PDSS2: variants seen among roughly 807,000 people sequenced by gnomAD.
PDSS2 encodes the protein decaprenyl diphosphate synthase subunit 2.
In PDSS2, 31 loss-of-function variants were observed where a neutral mutation model predicts 44.5. That is an observed-to-expected ratio of 0.70 (90% CI 0.52 to 0.94). PDSS2 has a LOEUF of 0.94. PDSS2 is among the 40% of genes least tolerant of loss of function. The probability of loss-of-function intolerance (pLI) is 0.00; values close to 1 mark genes in which losing one functional copy is unlikely to be tolerated. For synonymous variants in PDSS2, 157 were observed against 180.3 expected, an observed-to-expected ratio of 0.87 and a Z score of 1.03; for missense variants, 452 against 482.2, an observed-to-expected ratio of 0.94 and a Z score of 0.59.
intron 7 of PDSS2, among the ~76,000 whole-genome samples, chr6:107,187,708 G>A (rs888215529): frequency 3.3e-5 from 5 of 151,122 alleles, no homozygotes; most frequent in African/African-American, 4.9e-5. Context: ...TTGAGTCTAC[G>A]GTCCTCGATC....
intron 1 of PDSS2, among the ~76,000 whole-genome samples, chr6:107,385,052 T>A (rs906756086): frequency 6.6e-6 from 1 of 152,198 alleles, no homozygotes; most frequent in Admixed American, 6.5e-5. Flanking sequence ...GCTTAAATGT[T>A]CAGAAAGAAG....
chr6:107,429,895 A>T (rs1583073758), intron 1 of PDSS2, among the ~76,000 whole-genome samples: 1 of 41,626 alleles, frequency 2.4e-5, no homozygotes, highest in Admixed American at 2.6e-4. Context: ...AAAAAAAAAA[A>T]AAAAAAATAT....
At chr6:107,413,836 G>A (rs1022267178) in intron 1 of PDSS2, among the ~76,000 whole-genome samples, 54 of 152,270 alleles carry the variant, frequency 3.5e-4, no homozygotes, top group Middle Eastern at 3.4e-3. Context: ...GTAAAGAGTG[G>A]ATTGAAAAGA....
intron 3 of PDSS2, among the ~76,000 whole-genome samples, chr6:107,260,955 C>A (rs1456948204): frequency 6.6e-6 from 1 of 152,174 alleles, no homozygotes; most frequent in Non-Finnish European, 1.5e-5. Flanking sequence ...AGCCATCGCG[C>A]CTGGCCCCCC....
At chr6:107,411,101 G>C (rs1396452285) in intron 1 of PDSS2, among the ~76,000 whole-genome samples, 2 of 151,994 alleles carry the variant, frequency 1.3e-5, no homozygotes, top group Non-Finnish European at 2.9e-5. Flanking sequence ...GGCCAGGCTG[G>C]TCTCAAACTC....
intron 2 of PDSS2, among the ~76,000 whole-genome samples, chr6:107,315,489 A>G (rs1398724638): frequency 6.6e-6 from 1 of 152,222 alleles, no homozygotes; most frequent in African/African-American, 2.4e-5. Flanking sequence ...TTATTAACAG[A>G]CCTCAGTTGT....
chr6:107,391,912 C>T (rs1779797438), intron 1 of PDSS2, among the ~76,000 whole-genome samples: 1 of 148,582 alleles, frequency 6.7e-6, no homozygotes, highest in Non-Finnish European at 1.5e-5. Flanking sequence ...GGGGAAAAAT[C>T]ACCCTACAAC....
chr6:107,271,247 TTTC>T (rs1178976214), intron 3 of PDSS2, among the ~76,000 whole-genome samples: 1 of 150,570 alleles, frequency 6.6e-6, no homozygotes, highest in Non-Finnish European at 1.5e-5. Context: ...CCTTATTAAC[TTTC>T]TTAAGAAAAA....
chr6:107,385,019 A>C (rs1217582604), intron 1 of PDSS2, among the ~76,000 whole-genome samples: 1 of 152,248 alleles, frequency 6.6e-6, no homozygotes, highest in Admixed American at 6.5e-5. Context: ...TGCTCAAATG[A>C]ATCTTCAAAA....
intron 1 of PDSS2, among the ~76,000 whole-genome samples, chr6:107,361,913 G>T (rs2114290630): frequency 6.6e-6 from 1 of 152,298 alleles, no homozygotes. Context: ...CACAGTAGCT[G>T]AATCAGTGCA....
At position 107,404,196 on chromosome 6, in the gene PDSS2, A is replaced by G. The variant is rs141928710; in HGVS notation, c.296+54794T>C. Reference sequence around the variant, plus strand: ...AGAGTCACCTTCGGTCCAGTTCCCAACAAGTTCCTCATCTCCATCTGAGAC... The same window carrying G: ...AGAGTCACCTTCGGTCCAGTTCCCAGCAAGTTCCTCATCTCCATCTGAGAC... On this transcript the variant is annotated intron_variant, in intron 1 of 7. Coordinates refer to ENST00000369037, the MANE Select transcript of PDSS2 (RefSeq NM_020381.4). Among the ~76,000 whole-genome samples the G allele has an allele frequency of 9.0e-3, 1,368 of 152,252 alleles. 49 individuals are homozygous for G. In the East Asian group the frequency reaches 0.12, roughly 13 times the overall value.
chr6:107,192,246 G>T, intron 7 of PDSS2: 1 of 376,456 alleles, frequency 2.7e-6, no homozygotes, highest in Non-Finnish European at 5.0e-6. Context: ...TTGGTTTACA[G>T]GTGCTCCTAT....
At chr6:107,195,716 C>T (rs1036542308) in intron 6 of PDSS2, among the ~76,000 whole-genome samples, 20 of 137,294 alleles carry the variant, frequency 1.5e-4, no homozygotes, top group Non-Finnish European at 2.1e-4. Flanking sequence ...CCCACCACCA[C>T]GCCCGGCTAA....
At chr6:107,179,941 G>A (rs983830416) in intron 7 of PDSS2, among the ~76,000 whole-genome samples, 2 of 152,084 alleles carry the variant, frequency 1.3e-5, no homozygotes, top group African/African-American at 4.8e-5. Flanking sequence ...CACAAAATCC[G>A]ACAGCAGGAT....
intron 3 of PDSS2, among the ~76,000 whole-genome samples, chr6:107,251,102 C>A (rs771771396): frequency 1.3e-5 from 2 of 152,188 alleles, no homozygotes; most frequent in Non-Finnish European, 2.9e-5. Flanking sequence ...GATCTGCCTG[C>A]CTCGGCCTCC....
At chr6:107,260,703 G>A (rs931346762) in intron 3 of PDSS2, among the ~76,000 whole-genome samples, 2 of 116,838 alleles carry the variant, frequency 1.7e-5, no homozygotes, top group African/African-American at 6.7e-5. Context: ...TGGCTCTGAC[G>A]CCCAGGCTGG....
intron 1 of PDSS2, among the ~76,000 whole-genome samples, chr6:107,408,540 C>T (rs138309089): frequency 2.4e-4 from 37 of 152,200 alleles, no homozygotes; most frequent in African/African-American, 8.2e-4. Context: ...GTGTCCTACC[C>T]GTCTATGCCA....
chr6:107,316,629 C>T (rs931267960), intron 2 of PDSS2, among the ~76,000 whole-genome samples: 4 of 151,834 alleles, frequency 2.6e-5, no homozygotes, highest in African/African-American at 7.3e-5. Context: ...TTCTTTTTTT[C>T]GTGAATATTG....
intron 1 of PDSS2, among the ~76,000 whole-genome samples, chr6:107,421,605 A>C (rs1780825036): frequency 6.6e-6 from 1 of 152,002 alleles, no homozygotes; most frequent in African/African-American, 2.4e-5. Context: ...ATATGACTCC[A>C]TTTCTATAAC....
Sources: allele counts gnomAD v4.1 joint callset (sites outside exome capture counted in the v4.1 genomes callset), GRCh38; gene constraint gnomAD v4.1.1; transcripts MANE v1.5; gene names NCBI Gene and HGNC (gene_info 2026-07-23, HGNC 2026-07-21).